The following PCDH15 variants were observed in gnomAD, a reference collection of about 807,000 sequenced individuals.
PCDH15 encodes protocadherin-15.
In PCDH15, 129 loss-of-function variants were observed where a neutral mutation model predicts 178.5. The ratio of observed to expected loss-of-function variants is 0.72; its 90% confidence interval spans 0.63 to 0.84. PCDH15 has a LOEUF of 0.84. PCDH15 is among the 40% of genes least tolerant of loss of function. The pLI is 0.00. For missense variants in PCDH15, 2,230 were observed against 2,099.9 expected (o/e 1.06, Z -1.21); for synonymous variants, 800 against 732.0 (o/e 1.09, Z -1.50).
intron 2 of PCDH15, among the ~76,000 whole-genome samples, chr10:54,634,208 T>A (rs1249978767): frequency 6.7e-6 from 1 of 148,658 alleles, no homozygotes; most frequent in Non-Finnish European, 1.5e-5. Flanking sequence ...TATACTTGTA[T>A]CAGGAGCACC....
chr10:54,144,771 T>G (rs2043747066), intron 14 of PCDH15, among the ~76,000 whole-genome samples: 1 of 152,092 alleles, frequency 6.6e-6, no homozygotes, highest in South Asian at 2.1e-4. Context: ...CAATGTAATT[T>G]AAGTCTCATT....
At chr10:53,846,262 T>C (rs2132854999) in intron 28 of PCDH15, among the ~76,000 whole-genome samples, 1 of 152,038 alleles carries the variant, frequency 6.6e-6, no homozygotes, top group African/African-American at 2.4e-5. Flanking sequence ...TAATTACAAT[T>C]ATTGAATAAA....
Position 55,561,482 on chromosome 10 carries a change from GATA to G in PCDH15, c.-156+66140_-156+66142del, listed in dbSNP as rs1436488352. ...AGGACAATAAAAATTGTTTATGAAT[GATA>G]ATAATATTTTTTCAGGTGTCTTAAC... On this transcript the variant is annotated intron_variant, in intron 2 of 5. Coordinates refer to the PCDH15 transcript ENST00000613346. 4.6e-5 allele frequency among the ~76,000 whole-genome samples: 7 copies of G among 151,990 alleles called. No individual in the cohort carries two copies. The South Asian group carries it at 1.2e-3, about 27-fold the overall frequency.
chr10:54,799,293 AT>A (rs1952389357), intron 1 of PCDH15, among the ~76,000 whole-genome samples: 1 of 152,160 alleles, frequency 6.6e-6, no homozygotes, highest in Non-Finnish European at 1.5e-5. Context: ...AACACATACC[AT>A]GCAAAATTTA....
intron 15 of PCDH15, among the ~76,000 whole-genome samples, chr10:54,129,304 TAAA>T (rs963249652): frequency 2.6e-5 from 4 of 152,210 alleles, no homozygotes; most frequent in Non-Finnish European, 5.9e-5. Flanking sequence ...CATATTATAG[TAAA>T]AAGTAATAAT....
chr10:55,348,211 A>G (rs1386911484), intron 2 of PCDH15, among the ~76,000 whole-genome samples: 8 of 152,166 alleles, frequency 5.3e-5, no homozygotes, highest in Non-Finnish European at 1.2e-4. Flanking sequence ...AAAATACAAA[A>G]TATAATTCCT....
chr10:55,197,429 T>C (rs1447250219), intron 1 of PCDH15, among the ~76,000 whole-genome samples: 1 of 152,084 alleles, frequency 6.6e-6, no homozygotes, highest in Non-Finnish European at 1.5e-5. Context: ...TGAATCATGG[T>C]TCCTTAATAA....
chr10:54,435,504 C>A (rs2075322349), intron 3 of PCDH15, among the ~76,000 whole-genome samples: 1 of 152,066 alleles, frequency 6.6e-6, no homozygotes, highest in East Asian at 1.9e-4. Flanking sequence ...AATGCAGCTG[C>A]CGAACAAATA....
chr10:54,188,281 T>A (rs146756850), intron 11 of PCDH15, among the ~76,000 whole-genome samples: 1 of 151,890 alleles, frequency 6.6e-6, no homozygotes, highest in East Asian at 1.9e-4. Flanking sequence ...TCAACACTTG[T>A]ATATTTGCAA....
intron 3 of PCDH15, among the ~76,000 whole-genome samples, chr10:54,487,336 T>C (rs2079180711): frequency 6.6e-6 from 1 of 150,952 alleles, no homozygotes; most frequent in Non-Finnish European, 1.5e-5. Context: ...AAATGGAGAC[T>C]CAGAAGGGTG....
At chr10:53,840,277 T>C in intron 29 of PCDH15, 43 bp downstream of exon 29, 1 of 1,571,870 alleles carries the variant, frequency 6.4e-7, no homozygotes, top group Non-Finnish European at 8.8e-7. Context: ...CTATGGTTGC[T>C]ATTGTAACCA....
At chr10:55,582,628 A>ATATATATT (rs780312007) in intron 2 of PCDH15, among the ~76,000 whole-genome samples, 30 of 69,012 alleles carry the variant, frequency 4.3e-4, no homozygotes, top group South Asian at 1.2e-3. Context: ...ATATATATAT[A>ATATATATT]TTTTTTTTTT....
chr10:55,508,471 C>A (rs1840809591), intron 2 of PCDH15, among the ~76,000 whole-genome samples: 1 of 151,754 alleles, frequency 6.6e-6, no homozygotes, highest in South Asian at 2.1e-4. Context: ...GAAGATATTT[C>A]TAAATGAAGT....
At chr10:54,977,423 C>T (rs932286630) in intron 2 of PCDH15, among the ~76,000 whole-genome samples, 2 of 152,092 alleles carry the variant, frequency 1.3e-5, no homozygotes, top group African/African-American at 4.8e-5. Context: ...AATTATAGTA[C>T]ATTAGTACAC....
At chr10:54,793,965 GTTC>G (rs1046878947) in intron 1 of PCDH15, among the ~76,000 whole-genome samples, 1 of 144,754 alleles carries the variant, frequency 6.9e-6, no homozygotes, top group African/African-American at 2.6e-5. Flanking sequence ...GCAGGAATGT[GTTC>G]TTTTTTTTTT....
At chr10:54,362,388 C>G (rs563670992) in intron 5 of PCDH15, among the ~76,000 whole-genome samples, 3 of 151,974 alleles carry the variant, frequency 2.0e-5, no homozygotes, top group African/African-American at 7.2e-5. Context: ...AGACATTTAA[C>G]CTGGTAAGCA....
At chr10:54,065,759 T>C (rs1424746590) in intron 18 of PCDH15, among the ~76,000 whole-genome samples, 2 of 152,218 alleles carry the variant, frequency 1.3e-5, no homozygotes, top group Non-Finnish European at 2.9e-5. Flanking sequence ...AAAAAATGAC[T>C]TTTAAAAAAG....
At chr10:54,058,743 G>C (rs10740570) in intron 18 of PCDH15, among the ~76,000 whole-genome samples, 90,776 of 150,964 alleles carry the variant, frequency 0.6, 27,417 homozygotes, top group Middle Eastern at 0.75. Context: ...GCCCAGGCTG[G>C]AGTGCAGTGG....
At chr10:54,658,185 G>C (rs991318985) in intron 2 of PCDH15, among the ~76,000 whole-genome samples, 5 of 151,960 alleles carry the variant, frequency 3.3e-5, no homozygotes, top group African/African-American at 1.2e-4. Context: ...TGAGGAAGGA[G>C]AGAAAGAAAG....
Sources: allele counts gnomAD v4.1 joint callset (sites outside exome capture counted in the v4.1 genomes callset), GRCh38; gene constraint gnomAD v4.1.1; transcripts MANE v1.5; gene names NCBI Gene and HGNC (gene_info 2026-07-23, HGNC 2026-07-21).